Variants in LRTM3 observed in about 807,000 individuals in gnomAD.
LRTM3 encodes the protein leucine-rich repeat transmembrane protein 3.
At chr13:102,743,051 A>G in the LRTM3 span, 1 of 1,550,194 alleles carries the variant, frequency 6.5e-7, no homozygotes, top group Non-Finnish European at 8.7e-7. Flanking sequence ...TCCCAAAAGC[A>G]CATCCTCTGA....
the LRTM3 span, chr13:102,736,034 A>ATT: frequency 6.5e-7 from 1 of 1,548,618 alleles, no homozygotes; most frequent in Non-Finnish European, 8.7e-7. Flanking sequence ...CCTGCCTTCT[A>ATT]TTTTTACTCT....
At chr13:102,731,595 G>A in the LRTM3 span, 1 of 1,551,392 alleles carries the variant, frequency 6.4e-7, no homozygotes, top group South Asian at 1.2e-5. Context: ...ATGTTATCTA[G>A]TTTATCAGAA....
chr13:102,747,698 T>A, the LRTM3 span: 141 of 1,551,164 alleles, frequency 9.1e-5, no homozygotes, highest in Non-Finnish European at 1.1e-4. Flanking sequence ...ATTCTTTGGA[T>A]CTCCGGCACT....
At chr13:102,750,211 G>T in the LRTM3 span, 2 of 1,551,212 alleles carry the variant, frequency 1.3e-6, no homozygotes, top group African/African-American at 1.4e-5. Flanking sequence ...GCAAAGATGA[G>T]CTGATTCCAT....
chr13:102,745,628 G>A, the LRTM3 span: 53 of 1,550,786 alleles, frequency 3.4e-5, 1 homozygote, highest in Middle Eastern at 5.0e-4. Context: ...TAAGTTTCTC[G>A]TCGTTTTAGG....
chr13:102,729,651 A>C, the LRTM3 span: 1 of 1,550,916 alleles, frequency 6.4e-7, no homozygotes, highest in Non-Finnish European at 8.7e-7. Context: ...CAGGCAAAAA[A>C]AAAGGGCCGG....
At chr13:102,758,543 C>A in the LRTM3 span, 100 of 1,546,590 alleles carry the variant, frequency 6.5e-5, no homozygotes, top group South Asian at 1.1e-3. Flanking sequence ...TAATACTTAC[C>A]AAGTTTCCTG....
chr13:102,734,834 T>G, the LRTM3 span: 1 of 1,551,136 alleles, frequency 6.4e-7, no homozygotes, highest in Middle Eastern at 1.7e-4. Flanking sequence ...CACCTTCTCT[T>G]CCTGATGTTT....
the LRTM3 span, chr13:102,746,756 C>T: frequency 1.3e-6 from 2 of 1,551,136 alleles, no homozygotes; most frequent in South Asian, 2.4e-5. Context: ...AAAACAGTAA[C>T]CCATTTCTCT....
chr13:102,745,728 A>T, the LRTM3 span: 2 of 1,551,048 alleles, frequency 1.3e-6, no homozygotes, highest in Admixed American at 2.0e-5. Flanking sequence ...CTAGAATCAG[A>T]TGAGATACCA....
At chr13:102,740,980 A>T in the LRTM3 span, 7,978 of 1,550,094 alleles carry the variant, frequency 5.1e-3, 345 homozygotes, top group African/African-American at 0.095. Flanking sequence ...ATGGAGGTTG[A>T]TCCACCGGAA....
At chr13:102,742,434 CA>C in the LRTM3 span, 1 of 1,547,642 alleles carries the variant, frequency 6.5e-7, no homozygotes, top group Non-Finnish European at 8.7e-7. Flanking sequence ...TTTGGCAGGG[CA>C]AATGTCTTGG....
chr13:102,737,074 T>G, the LRTM3 span: 439 of 1,551,192 alleles, frequency 2.8e-4, 4 homozygotes, highest in South Asian at 5.0e-3. Context: ...CTCTAGTTTT[T>G]GAGCCACTGC....
the LRTM3 span, chr13:102,740,421 C>G: frequency 6.5e-7 from 1 of 1,550,208 alleles, no homozygotes; most frequent in Non-Finnish European, 8.7e-7. Flanking sequence ...TCTGATAATG[C>G]TTCCTTTTCC....
the LRTM3 span, chr13:102,734,175 T>C: frequency 1.9e-6 from 3 of 1,551,348 alleles, no homozygotes; most frequent in South Asian, 3.6e-5. Context: ...TGGCAGTGTA[T>C]CCTGAACCTC....
the LRTM3 span, among the ~76,000 whole-genome samples, chr13:102,757,696 G>A: frequency 1.3e-5 from 2 of 152,074 alleles, no homozygotes; most frequent in African/African-American, 2.4e-5. Context: ...AACATTCTTC[G>A]TGAAGCCATT....
the LRTM3 span, chr13:102,743,123 G>A: frequency 1.3e-6 from 2 of 1,550,418 alleles, no homozygotes; most frequent in Non-Finnish European, 1.7e-6. Flanking sequence ...TGCATAGAAT[G>A]GATCCATTTC....
chr13:102,746,034 G>A, the LRTM3 span: 1 of 1,551,142 alleles, frequency 6.4e-7, no homozygotes, highest in Non-Finnish European at 8.7e-7. Context: ...GGAATCTTAG[G>A]ACCTCCAAGG....
chr13:102,733,058 A>C, the LRTM3 span: 1 of 1,551,358 alleles, frequency 6.4e-7, no homozygotes, highest in Non-Finnish European at 8.7e-7. Context: ...TAGCATCTGT[A>C]GGCTGAGGTG....
Sources: allele counts gnomAD v4.1 joint callset (sites outside exome capture counted in the v4.1 genomes callset), GRCh38; gene constraint gnomAD v4.1.1; transcripts MANE v1.5; gene names NCBI Gene and HGNC (gene_info 2026-07-23, HGNC 2026-07-21).